The following ACTL6A variants were observed in gnomAD, a reference collection of about 807,000 sequenced individuals.
ACTL6A encodes actin-like protein 6A.
ACTL6A carries 5 observed loss-of-function variants against 59.2 expected under a neutral mutation model. That is an observed-to-expected ratio of 0.08 (90% CI 0.04 to 0.18). The LOEUF is 0.18. Ranked by LOEUF, ACTL6A falls within the 10% of genes least tolerant of loss-of-function variation. The pLI, the probability that ACTL6A is intolerant of heterozygous loss-of-function variation, is 1.00. For missense variants in ACTL6A, 285 were observed against 526.9 expected (o/e 0.54, Z 4.49); for synonymous variants, 154 against 171.8 (o/e 0.90, Z 0.81).
At position 179,576,662 on chromosome 3, in the gene ACTL6A, A is replaced by G; in HGVS notation, c.614A>G (p.Gln205Arg). The G allele has an allele frequency of 6.2e-7, 1 of 1,613,924 alleles. No individual in the cohort carries two copies. Among genetic ancestry groups the G allele is most frequent in the Non-Finnish European group, 8.5e-7 (1 of 1,179,850 alleles). ...CTTGCTGGAGACTTTATTACTATGC[A>G]GTGCAGAGAACTCTTCCAAGAAATG... ...SPLAGDFITMQCRELFQEMNI... is the reference protein window; with the variant it reads ...SPLAGDFITMRCRELFQEMNI... Residue 205 changes from glutamine (Q) to arginine (R), a missense_variant, in exon 7 of 14, where the codon CAG becomes CGG. Physicochemically the swap from Gln to Arg is conservative, Grantham distance 43 (BLOSUM62 1). Transcript: ENST00000429709.
chr3:179,583,498 A>G (rs751436691), intron 12 of ACTL6A, 50 bp downstream of exon 12: 1 of 1,436,580 alleles, frequency 7.0e-7, no homozygotes, highest in Non-Finnish European at 9.7e-7. Flanking sequence ...ATATTTCCTC[A>G]CTGATGGTGT....
chr3:179,582,379 C>T (rs1262193410), intron 11 of ACTL6A, among the ~76,000 whole-genome samples: 4 of 152,166 alleles, frequency 2.6e-5, no homozygotes, highest in Non-Finnish European at 5.9e-5. Flanking sequence ...ATTTAACTTT[C>T]TGATGCATAC....
intron 8 of ACTL6A, among the ~76,000 whole-genome samples, chr3:179,579,334 T>C (rs1297710602): frequency 6.6e-6 from 1 of 152,166 alleles, no homozygotes; most frequent in African/African-American, 2.4e-5. Flanking sequence ...GCTTACTCTG[T>C]TGATAGAAAT....
In ACTL6A at chr3:179,587,838, G is replaced by C. The variant is rs79000506; in HGVS notation, c.1210-92G>C. ...CCATTGCACTCCAGCCTGGCTGACAGAGCAAGACCTTCTCTCAAAAAAAAA... is the reference window on the plus strand; with the variant it reads ...CCATTGCACTCCAGCCTGGCTGACACAGCAAGACCTTCTCTCAAAAAAAAA... On this transcript the variant is annotated intron_variant, in intron 13 of 13. Coordinates refer to ENST00000429709, the MANE Select transcript of ACTL6A (RefSeq NM_004301.5). 8 of 938,982 alleles carry C rather than the reference G, an allele frequency of 8.5e-6. No individual in the cohort carries two copies. In the East Asian group the frequency reaches 1.7e-4, roughly 20 times the overall value. 58.2% of individuals were successfully genotyped at this position (938,982 alleles called of 1,614,324 possible). A position where few individuals can be genotyped will look rare whatever the true frequency, so the allele number is the denominator to read the frequency against.
At chr3:179,572,550 A>G (rs565524229) in intron 3 of ACTL6A, among the ~76,000 whole-genome samples, 2 of 152,326 alleles carry the variant, frequency 1.3e-5, no homozygotes, top group African/African-American at 4.8e-5. Context: ...TCACGCCTGT[A>G]ATCCCAGCAC....
chr3:179,586,701 A>AAAGG (rs1424855322), intron 13 of ACTL6A, 69 bp downstream of exon 13: 35 of 1,267,590 alleles, frequency 2.8e-5, no homozygotes, highest in Non-Finnish European at 3.5e-5. Flanking sequence ...AAATACAAAA[A>AAAGG]ATAATTCCAG....
rs1718069821 is a variant in ACTL6A, at chr3:179,573,360, A to G, written c.278-9A>G. The G allele has an allele frequency of 6.5e-7, 1 of 1,538,662 alleles. No homozygotes were observed. The highest frequency in any genetic ancestry group is 1.4e-5 in the African/African-American group (1 of 71,354). On this transcript the variant is annotated splice_polypyrimidine_tract_variant and intron_variant, in intron 3 of 13. Transcript: ENST00000429709. ...GCATTATTTCCAAGTTACTAATCTT[A>G]TATTCTAGTTGAAGACTGGGATAGT...
In ACTL6A at chr3:179,588,060, G is replaced by A. The variant is rs761912350; in HGVS notation, c.*50G>A. On this transcript the variant is annotated 3_prime_UTR_variant, in exon 14 of 14. Transcript: ENST00000429709. ...TCCTTTTGTCACCTTACGTTTCATA[G>A]CTTTAGTATACTCAGGAAAAGAATG... 48 of 1,368,444 alleles carry A rather than the reference G, an allele frequency of 3.5e-5. No homozygotes were observed. The highest frequency in any genetic ancestry group is 3.6e-4 in the Middle Eastern group (2 of 5,502). The allele number at this position is 1,368,444 out of a possible 1,614,324, so 84.8% of individuals were successfully genotyped here. A position where few individuals can be genotyped will look rare whatever the true frequency, so the allele number is the denominator to read the frequency against.
At chr3:179,587,508 A>G (rs1174025407) in intron 13 of ACTL6A, among the ~76,000 whole-genome samples, 2 of 152,182 alleles carry the variant, frequency 1.3e-5, no homozygotes, top group African/African-American at 4.8e-5. Context: ...GAGGGCAGAA[A>G]TAATCGAGTA....
At position 179,576,453 on chromosome 3, in the gene ACTL6A, T is replaced by C. The variant is rs900097395; in HGVS notation, c.571+142T>C. The C allele has an allele frequency of 5.2e-6, 4 of 773,956 alleles. No individual in the cohort carries two copies. The African/African-American group carries it at 7.0e-5, about 14-fold the overall frequency. The allele number at this position is 773,956 out of a possible 1,614,324, so 47.9% of individuals were successfully genotyped here. ...TTTTAAGTATGTTAAAAATCTTTAGTATATAATGTATATTTAAAACTGATG... is the reference window on the plus strand; with the variant it reads ...TTTTAAGTATGTTAAAAATCTTTAGCATATAATGTATATTTAAAACTGATG... On this transcript the variant is annotated intron_variant, in intron 6 of 13. Coordinates refer to ENST00000429709, the MANE Select transcript of ACTL6A (RefSeq NM_004301.5).
At chr3:179,573,314 G>T in intron 3 of ACTL6A, 55 bp from the exon 4 acceptor site, 1 of 1,167,624 alleles carries the variant, frequency 8.6e-7, no homozygotes. Context: ...CTCAAAAGAT[G>T]CTATATTCAT....
In ACTL6A at chr3:179,588,159, G is replaced by C; in HGVS notation, c.*149G>C. Reference sequence around the variant, plus strand: ...CTTAAATTTTTTAAAGCTTTAACTGGCTCTATAAATTAAGTTTGTGCTTTC... The same window carrying C: ...CTTAAATTTTTTAAAGCTTTAACTGCCTCTATAAATTAAGTTTGTGCTTTC... On this transcript the variant is annotated 3_prime_UTR_variant, in exon 14 of 14. Coordinates refer to ENST00000429709, the MANE Select transcript of ACTL6A (RefSeq NM_004301.5). 3.8e-6 allele frequency: 2 copies of C among 526,004 alleles called. No homozygotes were observed. The highest frequency in any genetic ancestry group is 8.1e-5 in the Admixed American group (2 of 24,550). 32.6% of individuals were successfully genotyped at this position (526,004 alleles called of 1,614,324 possible). A position where few individuals can be genotyped will look rare whatever the true frequency, so the allele number is the denominator to read the frequency against.
At chr3:179,581,801 T>A (rs1379202671) in intron 11 of ACTL6A, among the ~76,000 whole-genome samples, 3 of 152,206 alleles carry the variant, frequency 2.0e-5, no homozygotes, top group East Asian at 1.9e-4. Flanking sequence ...CAGTGATAGG[T>A]TCTTGGAGAC....
intron 12 of ACTL6A, among the ~76,000 whole-genome samples, chr3:179,585,135 T>C (rs1718447054): frequency 2.0e-5 from 3 of 152,130 alleles, no homozygotes; most frequent in Non-Finnish European, 2.9e-5. Context: ...GGAGTCTTGC[T>C]CTTGTCCCCT....
intron 1 of ACTL6A, among the ~76,000 whole-genome samples, chr3:179,566,897 G>A (rs765418247): frequency 6.6e-6 from 1 of 151,464 alleles, no homozygotes; most frequent in African/African-American, 2.4e-5. Context: ...CACCATGTTG[G>A]CCAGGATGGT....
intron 1 of ACTL6A, 169 bp downstream of exon 1, chr3:179,563,286 C>T (rs1399729066): frequency 8.5e-7 from 1 of 1,175,718 alleles, no homozygotes; most frequent in African/African-American, 1.6e-5. Context: ...CGGAGCCCAC[C>T]CGGCTCGCCG....
intron 1 of ACTL6A, among the ~76,000 whole-genome samples, chr3:179,563,351 C>A (rs999527481): frequency 6.6e-6 from 1 of 152,086 alleles, no homozygotes; most frequent in East Asian, 1.9e-4. Flanking sequence ...CTGCCTCTGT[C>A]CCCGGAGGAG....
intron 4 of ACTL6A, 139 bp from the exon 5 acceptor site, chr3:179,574,231 A>G: frequency 2.2e-6 from 1 of 461,588 alleles, no homozygotes; most frequent in Non-Finnish European, 3.9e-6. Context: ...ATGAGATATT[A>G]TGAAAGATGA....
intron 12 of ACTL6A, among the ~76,000 whole-genome samples, chr3:179,586,029 T>C (rs1292677190): frequency 6.6e-6 from 1 of 152,158 alleles, no homozygotes; most frequent in African/African-American, 2.4e-5. Flanking sequence ...CAGATTGGGA[T>C]GATAATTAGG....
Sources: gnomAD v4.1 joint callset for allele counts (sites outside exome capture counted in the v4.1 genomes callset) on GRCh38, gnomAD v4.1.1 for gene constraint, MANE v1.5 for transcripts, NCBI Gene and HGNC (gene_info 2026-07-23, HGNC 2026-07-21) for gene names.